TET2: variants seen among roughly 807,000 people sequenced by gnomAD.
TET2 encodes methylcytosine dioxygenase TET2.
A neutral mutation model predicts 142.9 loss-of-function variants in TET2; 299 were observed. The ratio of observed to expected loss-of-function variants is 2.09; its 90% CI spans 1.90 to 2.30. The LOEUF (loss-of-function observed/expected upper bound fraction) is 2.30, where lower values mean the gene tolerates loss of function less well. Among genes scored for constraint, TET2 ranks in the 30% most tolerant of loss-of-function variants. TET2 has a pLI of 0.00. For missense variants in TET2, 2,418 were observed against 2,378.0 expected, an observed-to-expected ratio of 1.02 and a Z score of -0.35; for synonymous variants, 819 against 849.0, an observed-to-expected ratio of 0.96 and a Z score of 0.61.
chr4:105,161,336 T>G (rs951201695), intron 1 of TET2, among the ~76,000 whole-genome samples: 5 of 152,224 alleles, frequency 3.3e-5, no homozygotes, highest in African/African-American at 1.2e-4. Flanking sequence ...TATTGTACAT[T>G]TCTGATACAC....
At position 105,277,647 on chromosome 4, in the gene TET2, G is replaced by A. The variant is rs1731283069; in HGVS notation, c.*1128G>A. 1.3e-5 allele frequency: 3 copies of A among 229,314 alleles called. No individual in the cohort carries two copies. Among genetic ancestry groups the A allele is most frequent in the South Asian group, 1.8e-4 (1 of 5,500 alleles). The allele number at this position is 229,314 out of a possible 1,614,324, so 14.2% of individuals were successfully genotyped here. On this transcript the variant is annotated 3_prime_UTR_variant, in exon 11 of 11. Transcript: ENST00000380013. ...GGGCTTACTGGATTCAAGGGAATACGTTAGTCCACAAAACATGTTTTCTGG... is the reference window on the plus strand; with the variant it reads ...GGGCTTACTGGATTCAAGGGAATACATTAGTCCACAAAACATGTTTTCTGG...
At chr4:105,246,583 GAC>G (rs1430283070) in intron 6 of TET2, among the ~76,000 whole-genome samples, 2 of 152,202 alleles carry the variant, frequency 1.3e-5, no homozygotes, top group Non-Finnish European at 2.9e-5. Context: ...GATTAAAATA[GAC>G]ACGTATCCAA....
chr4:105,272,440 A>G (rs1036610031), intron 9 of TET2, 124 bp from the exon 10 acceptor site: 2 of 639,846 alleles, frequency 3.1e-6, no homozygotes, highest in African/African-American at 1.8e-5. Context: ...TATATATGTC[A>G]CTGATCTGGA....
chr4:105,263,861 G>C (rs1009622071), intron 8 of TET2, among the ~76,000 whole-genome samples: 1 of 152,058 alleles, frequency 6.6e-6, no homozygotes, highest in South Asian at 2.1e-4. Context: ...AAATGTAGTA[G>C]GAAAAGTGAA....
In TET2 at chr4:105,224,684, GTCTCTCTCTCTCTCTC is replaced by G. The variant is rs34870510; in HGVS notation, c.-46-9185_-46-9170del. Among the ~76,000 whole-genome samples, 888 of 108,148 alleles carry G rather than the reference GTCTCTCTCTCTCTCTC, an allele frequency of 8.2e-3. 28 individuals carry two copies. The highest frequency in any genetic ancestry group is 0.074 in the Admixed American group (769 of 10,444). 70.9% of individuals were successfully genotyped at this position (108,148 alleles called of 152,430 possible). On this transcript the variant is annotated intron_variant, in intron 2 of 10. Coordinates refer to ENST00000380013, the MANE Select transcript of TET2 (RefSeq NM_001127208.3). ...GTTAACATAATTGACATATCAGCCAGTCTCTCTCTCTCTCTCTCTCTCTCTCTCTCTCTCTCTCTCT... is the reference window on the plus strand; with the variant it reads ...GTTAACATAATTGACATATCAGCCAGTCTCTCTCTCTCTCTCTCTCTCTCT...
Position 105,234,064 on chromosome 4 carries a change from C to G in TET2, c.122C>G (p.Pro41Arg). 6.2e-7 allele frequency: 1 copy of G among 1,614,064 alleles called. No homozygotes were observed. The highest frequency in any genetic ancestry group is 8.5e-7 in the Non-Finnish European group (1 of 1,179,998). ...AAGCTCCAGAATGGAAGCCCACTGC[C>G]TGAGAGAGCTCATCCAGAAGTAAAT... ...ATKLQNGSPLPERAHPEVNGD... is the reference protein window; with the variant it reads ...ATKLQNGSPLRERAHPEVNGD... Residue 41 changes from proline (P) to arginine (R), a missense_variant, in exon 3 of 11, where the codon CCT becomes CGT. By Grantham distance (103) the Pro-to-Arg change is moderately radical. Coordinates refer to ENST00000380013, the MANE Select transcript of TET2 (RefSeq NM_001127208.3).
chr4:105,264,954 C>T (rs1012284407), intron 8 of TET2, among the ~76,000 whole-genome samples: 1 of 152,184 alleles, frequency 6.6e-6, no homozygotes, highest in African/African-American at 2.4e-5. Context: ...TGGCTCTCCA[C>T]AGCATCTCTT....
In TET2 at chr4:105,236,861, C is replaced by G. The variant is rs1046340851; in HGVS notation, c.2919C>G (p.Cys973Trp). 1 of 1,614,130 alleles carries G rather than the reference C, an allele frequency of 6.2e-7. No homozygotes were observed. The change falls in exon 3 of 11, where the codon TGC becomes TGG. Residue 973 changes from cysteine to tryptophan, a missense_variant. Cys to Trp is a radical substitution (Grantham distance 215, BLOSUM62 -2). Transcript: ENST00000380013. ...CACAGCAACCCCAAACTGAGTCTTG[C>G]CATAGTCAGATGCACAGGCCAATTA... ...QQTQQPQTES[C>W]HSQMHRPIKV...
rs1402145885 is a variant in TET2 at position 105,275,587 on chromosome 4, T to A, written c.5077T>A (p.Tyr1693Asn). The change falls in exon 11 of 11, where the codon TAC becomes AAC. Residue 1693 changes from tyrosine to asparagine, a missense_variant. Tyr to Asn is a moderately radical substitution (Grantham distance 143, BLOSUM62 -2). Transcript: ENST00000380013. ...AAATAGCCAGAGTTTTACATCTAAATACTTAGGTTATGGAAACCAAAATAT... is the reference window on the plus strand; with the variant it reads ...AAATAGCCAGAGTTTTACATCTAAAAACTTAGGTTATGGAAACCAAAATAT... ...FGNSQSFTSK[Y>N]LGYGNQNMQG... is the part of the protein sequence containing the mutation. The A allele has an allele frequency of 1.9e-6, 3 of 1,551,620 alleles. No homozygotes were observed. The highest frequency in any genetic ancestry group is 2.6e-6 in the Non-Finnish European group (3 of 1,146,996).
At chr4:105,226,416 G>T (rs560241786) in intron 2 of TET2, among the ~76,000 whole-genome samples, 2 of 152,260 alleles carry the variant, frequency 1.3e-5, no homozygotes, top group East Asian at 1.9e-4. Context: ...GTGTGATATG[G>T]TTTGGTTGTT....
chr4:105,256,140 A>G (rs942720436), intron 6 of TET2, among the ~76,000 whole-genome samples: 6 of 152,182 alleles, frequency 3.9e-5, no homozygotes, highest in Non-Finnish European at 7.4e-5. Context: ...TAAATCAAAT[A>G]TGAGAAAAAT....
intron 1 of TET2, among the ~76,000 whole-genome samples, chr4:105,151,798 G>C (rs1403175979): frequency 6.6e-6 from 1 of 152,228 alleles, no homozygotes; most frequent in African/African-American, 2.4e-5. Context: ...GACGAGGCCG[G>C]TTGTGGTGGC....
intron 2 of TET2, among the ~76,000 whole-genome samples, chr4:105,204,234 TACACACACACAC>T (rs763239434): frequency 3.2e-5 from 4 of 125,950 alleles, no homozygotes; most frequent in Admixed American, 8.4e-5. Context: ...AAAAAATATA[TACACACACACAC>T]ACACACACAC....
chr4:105,199,640 A>G (rs1053357152), intron 2 of TET2, among the ~76,000 whole-genome samples: 1 of 152,176 alleles, frequency 6.6e-6, no homozygotes. Context: ...TTCATCACCC[A>G]GGTATTAAGC....
rs1265087034 is a variant in TET2, at chr4:105,276,421, C to T, written c.5911C>T (p.Leu1971Phe). 3.2e-6 allele frequency: 5 copies of T among 1,551,860 alleles called. No individual in the cohort carries two copies. The African/African-American group carries it at 4.1e-5, about 13-fold the overall frequency. ...CACTTACCTGCGTTTCATCAAGTCT[C>T]TTGCCGAAAGGACCATGTCCGTGAC... is the stretch of plus-strand genomic sequence containing the variant. ...EPTYLRFIKS[L>F]AERTMSVTTD... The change falls in exon 11 of 11, where the codon CTT (leucine) becomes TTT (phenylalanine). Residue 1971 changes from leucine (L) to phenylalanine (F), a missense_variant. Transcript: ENST00000380013.
Position 105,234,879 on chromosome 4 carries a change from AC to A in TET2, c.939del (p.Cys314ValfsTer33), listed in dbSNP as rs1728744037. 1.2e-6 allele frequency: 2 copies of A among 1,613,974 alleles called. No homozygotes were observed. The highest frequency in any genetic ancestry group is 1.7e-6 in the Non-Finnish European group (2 of 1,180,030). ...CAGTAAACTAGCTGCAATGCTAAAT[AC>A]CTGTTCCTTTCAGAAACCAGAACAA... ...NASKLAAMLNTCSFQKPEQLQ... is the reference protein window; with the variant it reads ...NASKLAAMLNXCSFQKPEQLQ... On this transcript the variant is annotated frameshift_variant, in exon 3 of 11. Coordinates refer to ENST00000380013, the MANE Select transcript of TET2 (RefSeq NM_001127208.3). LOFTEE classifies it high-confidence loss of function.
Position 105,236,810 on chromosome 4 carries a change from C to G in TET2, c.2868C>G (p.Leu956=), listed in dbSNP as rs1414867073. The G allele has an allele frequency of 5.0e-6, 8 of 1,614,024 alleles. No homozygotes were observed. Among genetic ancestry groups the G allele is most frequent in the Non-Finnish European group, 6.8e-6 (8 of 1,180,012 alleles). The part of the protein sequence containing the change: ...TQKHAALRWH[L]LQKQEQQQTQ... ...AGCATGCTGCTCTAAGGTGGCATCT[C>G]TTACAGAAGCAAGAACAGCAGCAAA... Residue 956 remains leucine, a synonymous_variant, in exon 3 of 11, where the codon CTC becomes CTG. Transcript: ENST00000380013.
In TET2 at chr4:105,243,757, G is replaced by T. The variant is rs771761785; in HGVS notation, c.3782G>T (p.Arg1261Leu). Residue 1261 changes from arginine (R) to leucine (L), a missense_variant, in exon 6 of 11, where the codon CGC becomes CTC. Coordinates refer to ENST00000380013, the MANE Select transcript of TET2 (RefSeq NM_001127208.3). The part of the protein sequence containing the change: ...TLRKYGTLTN[R>L]RCALNEERTC... ...AGGAAATACGGCACGCTCACCAATC[G>T]CCGGTGTGCCTTGAATGAAGAGTAA... The T allele has an allele frequency of 1.9e-6, 3 of 1,551,392 alleles. No homozygotes were observed. The highest frequency in any genetic ancestry group is 2.6e-6 in the Non-Finnish European group (3 of 1,146,850).
intron 2 of TET2, among the ~76,000 whole-genome samples, chr4:105,220,782 C>T (rs1727771964): frequency 6.6e-6 from 1 of 152,152 alleles, no homozygotes; most frequent in Non-Finnish European, 1.5e-5. Flanking sequence ...CTGCACAGTA[C>T]CCTGATAGGA....
Sources: gnomAD v4.1 joint callset for allele counts (sites outside exome capture counted in the v4.1 genomes callset) on GRCh38, gnomAD v4.1.1 for gene constraint, MANE v1.5 for transcripts, NCBI Gene and HGNC (gene_info 2026-07-23, HGNC 2026-07-21) for gene names.